ATF1: variants seen among roughly 807,000 people sequenced by gnomAD.
ATF1 encodes cyclic AMP-dependent transcription factor ATF-1.
A neutral mutation model predicts 34.7 loss-of-function variants in ATF1; 16 were observed. The observed-to-expected ratio is 0.46, with a 90% CI of 0.31 to 0.70. The LOEUF (loss-of-function observed/expected upper bound fraction) is 0.70. Ranked by LOEUF, ATF1 falls within the 30% of genes least tolerant of loss-of-function variation. The probability of loss-of-function intolerance (pLI) is 0.05; values close to 1 mark genes in which losing one functional copy is unlikely to be tolerated. For synonymous variants in ATF1, 105 were observed against 113.1 expected, an observed-to-expected ratio of 0.93 and a Z score of 0.46; for missense variants, 255 against 321.6, an observed-to-expected ratio of 0.79 and a Z score of 1.58.
chr12:50,783,868 A>G (rs1262413097), intron 2 of ATF1, among the ~76,000 whole-genome samples: 2 of 58,940 alleles, frequency 3.4e-5, no homozygotes, highest in African/African-American at 1.5e-4. Context: ...CTCCGTCTGA[A>G]AAAAAAAAAA....
Position 50,795,950 on chromosome 12 carries a change from C to A in ATF1, c.135C>A (p.Ser45=), listed in dbSNP as rs146231358. 2.5e-6 allele frequency: 4 copies of A among 1,613,040 alleles called. No homozygotes were observed. The highest frequency in any genetic ancestry group is 3.4e-6 in the Non-Finnish European group (4 of 1,179,778). Residue 45 remains serine, a synonymous_variant, in exon 3 of 7, where the codon TCC becomes TCA. Coordinates refer to ENST00000262053, the MANE Select transcript of ATF1 (RefSeq NM_005171.5). ...LSESEESQDS[S]DSIGSSQKAH... ...AAAGTGAGGAGTCCCAGGACTCATCCGACAGCATAGGCTCCTCACAGAAAG... is the reference window on the plus strand; with the variant it reads ...AAAGTGAGGAGTCCCAGGACTCATCAGACAGCATAGGCTCCTCACAGAAAG...
intron 6 of ATF1, among the ~76,000 whole-genome samples, chr12:50,819,150 A>G (rs1231471771): frequency 6.6e-6 from 1 of 152,244 alleles, no homozygotes; most frequent in Admixed American, 6.5e-5. Context: ...CTAACCCTAG[A>G]AACATCGCAA....
chr12:50,809,866 T>C (rs902888600), intron 4 of ATF1, among the ~76,000 whole-genome samples: 4 of 152,102 alleles, frequency 2.6e-5, no homozygotes, highest in African/African-American at 9.7e-5. Context: ...AGAGTCTCGC[T>C]CTTGTTGCCC....
chr12:50,788,287 ATCC>A (rs1185871891), intron 2 of ATF1: 2 of 448,910 alleles, frequency 4.5e-6, no homozygotes, highest in African/African-American at 4.0e-5. Flanking sequence ...TGCTCAAGCA[ATCC>A]TCCTGCCTCA....
At chr12:50,780,337 T>G in intron 2 of ATF1, 99 bp downstream of exon 2, 1 of 1,201,428 alleles carries the variant, frequency 8.3e-7, no homozygotes, top group Non-Finnish European at 1.2e-6. Flanking sequence ...TTATTTTGGT[T>G]TTTGTTTTTT....
intron 6 of ATF1, among the ~76,000 whole-genome samples, chr12:50,815,755 C>T (rs1385611607): frequency 1.3e-5 from 2 of 151,998 alleles, no homozygotes; most frequent in African/African-American, 2.4e-5. Context: ...TCTCAAAAAA[C>T]GAAAAATAGA....
rs1941923790 is a variant in ATF1, at chr12:50,820,240, A to ACAT, written c.*462_*464dup. The ACAT allele has an allele frequency of 1.0e-5, 2 of 199,452 alleles. No homozygotes were observed. Among genetic ancestry groups the ACAT allele is most frequent in the Non-Finnish European group, 2.1e-5 (2 of 96,794 alleles). The allele number at this position is 199,452 out of a possible 1,614,324, so 12.4% of individuals were successfully genotyped here. On this transcript the variant is annotated 3_prime_UTR_variant, in exon 7 of 7. Transcript: ENST00000262053. ...TTACAAAGGTAAGAGAAAACCTAGT[A>ACAT]CATTACTAAATATATAAAGTATATG...
intron 3 of ATF1, among the ~76,000 whole-genome samples, chr12:50,807,041 G>A (rs1941629625): frequency 6.6e-6 from 1 of 152,168 alleles, no homozygotes; most frequent in Non-Finnish European, 1.5e-5. Flanking sequence ...AAAACTGAAA[G>A]TATTTGGCCT....
chr12:50,781,729 G>T (rs1286392368), intron 2 of ATF1, among the ~76,000 whole-genome samples: 1 of 151,990 alleles, frequency 6.6e-6, no homozygotes, highest in Admixed American at 6.6e-5. Flanking sequence ...GGGATTACAG[G>T]CGTGAGCCAC....
intron 2 of ATF1, among the ~76,000 whole-genome samples, chr12:50,791,036 CT>C (rs1179149513): frequency 2.6e-5 from 4 of 152,170 alleles, no homozygotes; most frequent in South Asian, 4.1e-4. Flanking sequence ...TAAGGGGGCT[CT>C]GGTGTCATTC....
chr12:50,810,630 C>T (rs751734061), intron 4 of ATF1, among the ~76,000 whole-genome samples: 4 of 152,116 alleles, frequency 2.6e-5, no homozygotes, highest in Admixed American at 1.3e-4. Context: ...AGTATAACAC[C>T]GCCAATCAAG....
At chr12:50,798,395 G>A (rs1358590216) in intron 3 of ATF1, among the ~76,000 whole-genome samples, 1 of 150,880 alleles carries the variant, frequency 6.6e-6, no homozygotes, top group Non-Finnish European at 1.5e-5. Context: ...TGCAAGCTCC[G>A]CCTCCTGGGT....
chr12:50,772,025 C>T (rs1338056408), intron 1 of ATF1, among the ~76,000 whole-genome samples: 1 of 152,144 alleles, frequency 6.6e-6, no homozygotes, highest in East Asian at 1.9e-4. Flanking sequence ...ATGGAGTAGC[C>T]GTTCTTTTAT....
At chr12:50,770,895 A>G (rs536975569) in intron 1 of ATF1, among the ~76,000 whole-genome samples, 2 of 152,346 alleles carry the variant, frequency 1.3e-5, no homozygotes, top group Non-Finnish European at 2.9e-5. Context: ...GCACATTACA[A>G]TCAGCTAACA....
chr12:50,800,000 A>C (rs1406405881), intron 3 of ATF1, among the ~76,000 whole-genome samples: 2 of 152,238 alleles, frequency 1.3e-5, no homozygotes, highest in East Asian at 3.8e-4. Context: ...CTACAGGTTC[A>C]AAAACCTCAG....
intron 2 of ATF1, among the ~76,000 whole-genome samples, chr12:50,791,720 G>GGAA (rs1941306302): frequency 6.6e-6 from 1 of 152,148 alleles, no homozygotes; most frequent in South Asian, 2.1e-4. Flanking sequence ...GTAGTCCAGA[G>GGAA]GAAGGCATGA....
intron 1 of ATF1, 115 bp downstream of exon 1, chr12:50,764,422 T>G (rs1592159301): frequency 1.4e-5 from 1 of 73,126 alleles, no homozygotes; most frequent in African/African-American, 5.4e-5. Flanking sequence ...TCGCGCGCGG[T>G]GGTGGCGGTG....
chr12:50,798,815 G>GA, intron 3 of ATF1, among the ~76,000 whole-genome samples: 1 of 152,126 alleles, frequency 6.6e-6, no homozygotes, highest in Non-Finnish European at 1.5e-5. Flanking sequence ...TAAATGCTGG[G>GA]AAAAAAAGTA....
intron 3 of ATF1, 150 bp from the exon 4 acceptor site, chr12:50,809,306 A>G (rs1592199105): frequency 1.6e-6 from 1 of 639,464 alleles, no homozygotes; most frequent in South Asian, 2.2e-5. Context: ...CCAGGGAAGC[A>G]GAGGTTGCAG....
Sources: allele counts gnomAD v4.1 joint callset (sites outside exome capture counted in the v4.1 genomes callset), GRCh38; gene constraint gnomAD v4.1.1; transcripts MANE v1.5; gene names NCBI Gene and HGNC (gene_info 2026-07-23, HGNC 2026-07-21).